TAPBPL: variants seen among roughly 807,000 people sequenced by gnomAD.
TAPBPL encodes the protein TAP binding protein like.
In TAPBPL, 32 loss-of-function variants were observed where a neutral mutation model predicts 44.8. That is an observed-to-expected ratio of 0.71 (90% CI 0.54 to 0.96). The LOEUF is 0.96. TAPBPL is among the 40% of genes least tolerant of loss of function. TAPBPL has a pLI of 0.00. For synonymous variants in TAPBPL, 230 were observed against 240.7 expected, an observed-to-expected ratio of 0.96 and a Z score of 0.41; for missense variants, 520 against 586.6, an observed-to-expected ratio of 0.89 and a Z score of 1.17.
rs200778376 is a variant in TAPBPL at position 6,462,120 on chromosome 12, C to T, written c.1378C>T (p.Arg460Cys). 31 of 1,612,724 alleles carry T rather than the reference C, an allele frequency of 1.9e-5. No homozygotes were observed. Among genetic ancestry groups the T allele is most frequent in the East Asian group, 2.2e-5 (1 of 44,834 alleles). ...DTQSSHLHED[R>C]TARVSQPS ...ACAGAGCTCCCATCTCCATGAAGAC[C>T]GCACAGCGCGTGTAAGCCAGCCCAG... Residue 460 changes from arginine (R) to cysteine (C), a missense_variant, in exon 7 of 7, where the codon CGC (arginine) becomes TGC (cysteine). Physicochemically the swap from Arg to Cys is radical, Grantham distance 180 (BLOSUM62 -3). Transcript: ENST00000266556.
chr12:6,458,884 T>C lies in TAPBPL; in HGVS notation c.1144T>C (p.Cys382Arg). ...TGGCTCTGCAGGTGCCACTTACACC[T>C]GCCAGGTCACACACATCTCTCTGGA... ...EPGSAGATYT[C>R]QVTHISLEEP... The change falls in exon 5 of 7, where the codon TGC (cysteine) becomes CGC (arginine). Residue 382 changes from cysteine to arginine, a missense_variant. Cys to Arg is a radical substitution (Grantham distance 180). Coordinates refer to ENST00000266556, the MANE Select transcript of TAPBPL (RefSeq NM_018009.5). 6.2e-7 allele frequency: 1 copy of C among 1,614,196 alleles called. No individual in the cohort carries two copies. Among genetic ancestry groups the C allele is most frequent in the Non-Finnish European group, 8.5e-7 (1 of 1,180,040 alleles).
At chr12:6,466,540 G>C (rs1950030355), downstream of TAPBPL, 1 of 529,758 alleles carries the variant, frequency 1.9e-6, no homozygotes. Context: ...AAAAAGAAAG[G>C]ACTCACATGC....
Position 6,460,911 on chromosome 12 carries a change from A to C in TAPBPL, c.1264A>C (p.Met422Leu), listed in dbSNP as rs1949840287. The change falls in exon 6 of 7, where the codon ATG becomes CTG. Residue 422 changes from methionine (M) to leucine (L), a missense_variant. Coordinates refer to ENST00000266556, the MANE Select transcript of TAPBPL (RefSeq NM_018009.5). ...FASSLFLLAL[M>L]FLGLQRRQAP... ...CAGCAGTCTCTTCCTTCTTGCACTG[A>C]TGTTCCTGGGGCTTCAGAGACGGCA... 1 of 1,613,896 alleles carries C rather than the reference A, an allele frequency of 6.2e-7. No individual in the cohort carries two copies. The highest frequency in any genetic ancestry group is 8.5e-7 in the Non-Finnish European group (1 of 1,180,000).
At chr12:6,464,394 G>A (rs568559575), downstream of TAPBPL, 265 of 1,554,770 alleles carry the variant, frequency 1.7e-4, 1 homozygote, top group South Asian at 2.9e-3. Context: ...GTGGGGAAGT[G>A]TGTTGAGAGA....
At chr12:6,459,748 ATTTAT>A (rs964292447) in intron 5 of TAPBPL, among the ~76,000 whole-genome samples, 2 of 144,422 alleles carry the variant, frequency 1.4e-5, no homozygotes, top group African/African-American at 5.6e-5. Flanking sequence ...TTATTTATTT[ATTTAT>A]TTATTTATTT....
At chr12:6,464,104 T>C (rs1201592961), downstream of TAPBPL, 1 of 1,322,744 alleles carries the variant, frequency 7.6e-7, no homozygotes, top group Non-Finnish European at 9.9e-7. Context: ...TGGGCACCGA[T>C]ACTCTTCTCC....
chr12:6,462,116 A>C lies in TAPBPL; in HGVS notation c.1374A>C (p.Glu458Asp). 1 of 1,613,190 alleles carries C rather than the reference A, an allele frequency of 6.2e-7. No individual in the cohort carries two copies. Among genetic ancestry groups the C allele is most frequent in the Non-Finnish European group, 8.5e-7 (1 of 1,179,238 alleles). The change falls in exon 7 of 7, where the codon GAA (glutamate) becomes GAC (aspartate). Residue 458 changes from glutamate to aspartate, a missense_variant. Physicochemically the swap from Glu to Asp is conservative, Grantham distance 45. Transcript: ENST00000266556. ...ACACACAGAGCTCCCATCTCCATGA[A>C]GACCGCACAGCGCGTGTAAGCCAGC... ...CADTQSSHLH[E>D]DRTARVSQPS
downstream of TAPBPL, among the ~76,000 whole-genome samples, chr12:6,471,386 A>G (rs1478751639): frequency 6.6e-6 from 1 of 151,670 alleles, no homozygotes; most frequent in Non-Finnish European, 1.5e-5. The surrounding 1 kb of genome is among the most constrained non-coding windows in gnomAD (Gnocchi z 4.0). Context: ...CCTCCCCTTC[A>G]CCTTTACCTC....
downstream of TAPBPL, chr12:6,464,969 C>G (rs1222788537): frequency 3.7e-6 from 6 of 1,612,526 alleles, no homozygotes; most frequent in African/African-American, 2.7e-5. Context: ...AAAAATGAGC[C>G]CTTGGATTTC....
chr12:6,454,516 G>A (rs533118106), intron 3 of TAPBPL, among the ~76,000 whole-genome samples: 5 of 152,066 alleles, frequency 3.3e-5, no homozygotes, highest in African/African-American at 9.7e-5. Context: ...AGAATGCTTC[G>A]CAGCCCCTAC....
At chr12:6,465,136 T>C (rs1421606133), downstream of TAPBPL, 16 of 700,724 alleles carry the variant, frequency 2.3e-5, no homozygotes, top group African/African-American at 1.8e-5. Context: ...AGTATGTCTG[T>C]AGCTTTTCAG....
intron 6 of TAPBPL, 127 bp from the exon 7 acceptor site, chr12:6,461,907 C>A: frequency 1.4e-6 from 1 of 694,092 alleles, no homozygotes; most frequent in African/African-American, 1.8e-5. Flanking sequence ...TCCCCTGGGA[C>A]AGGACAAGCA....
At position 6,458,822 on chromosome 12, in the gene TAPBPL, G is replaced by A. The variant is rs781465778; in HGVS notation, c.1082G>A (p.Gly361Asp). The part of the protein sequence containing the change: ...SFSSLRQSVA[G>D]TYSISSSLTA... ...TCCAGCCTCAGGCAAAGCGTGGCAG[G>A]CACCTACAGCATCTCCTCCTCTCTC... Residue 361 changes from glycine to aspartate, a missense_variant, in exon 5 of 7, where the codon GGC becomes GAC. Coordinates refer to ENST00000266556, the MANE Select transcript of TAPBPL (RefSeq NM_018009.5). 1.2e-6 allele frequency: 2 copies of A among 1,614,088 alleles called. No homozygotes were observed. The highest frequency in any genetic ancestry group is 2.2e-5 in the South Asian group (2 of 91,086).
intron 3 of TAPBPL, among the ~76,000 whole-genome samples, chr12:6,456,298 TTTTCCTCA>T (rs1949699572): frequency 1.3e-5 from 2 of 152,310 alleles, no homozygotes; most frequent in African/African-American, 4.8e-5. Context: ...TGTCTGATTG[TTTTCCTCA>T]TTTCCTCATG....
At chr12:6,464,946 G>A (rs753080874), downstream of TAPBPL, 2 of 1,613,556 alleles carry the variant, frequency 1.2e-6, no homozygotes, top group Non-Finnish European at 8.5e-7. Context: ...CATCATCTGA[G>A]GAAACATGGA....
downstream of TAPBPL, chr12:6,464,745 G>A (rs574629519): frequency 2.2e-5 from 33 of 1,521,842 alleles, no homozygotes; most frequent in African/African-American, 5.6e-5. Flanking sequence ...CCCTTCCCCC[G>A]TCCCGAACCA....
chr12:6,463,812 A>AAGTGTTCT, downstream of TAPBPL: 1 of 1,204,172 alleles, frequency 8.3e-7, no homozygotes, highest in Non-Finnish European at 1.1e-6. This position sits in a 1 kb window ranked among gnomAD's most constrained non-coding sequence, Gnocchi z 4.0. Context: ...CACAATCCCT[A>AAGTGTTCT]AGTGTTCTCC....
Position 6,457,510 on chromosome 12 carries a change from A to G in TAPBPL, c.670A>G (p.Ser224Gly), listed in dbSNP as rs771490726. ...CATGGCACCGGGCTTGGACCTCATC[A>G]GTGTGGAGTGGCGACTGCAGCACAA... ...FSMAPGLDLI[S>G]VEWRLQHKGR... The change falls in exon 4 of 7, where the codon AGT becomes GGT. Residue 224 changes from serine (S) to glycine (G), a missense_variant. By Grantham distance (56) the Ser-to-Gly change is moderately conservative (BLOSUM62 0). Transcript: ENST00000266556. 1 of 1,614,146 alleles carries G rather than the reference A, an allele frequency of 6.2e-7. No individual in the cohort carries two copies. Among genetic ancestry groups the G allele is most frequent in the Non-Finnish European group, 8.5e-7 (1 of 1,180,024 alleles).
chr12:6,463,404 A>C (rs1488891937), downstream of TAPBPL: 64 of 1,058,636 alleles, frequency 6.0e-5, no homozygotes, highest in Non-Finnish European at 7.0e-5. This position sits in a 1 kb window ranked among gnomAD's most constrained non-coding sequence, Gnocchi z 4.0. Flanking sequence ...CACTTGCCTC[A>C]TCCCTGTCTT....
Sources: gnomAD v4.1 joint callset for allele counts (sites outside exome capture counted in the v4.1 genomes callset) on GRCh38, gnomAD v4.1.1 for gene constraint, Gnocchi (gnomAD v3.1) non-coding constraint, MANE v1.5 for transcripts, NCBI Gene and HGNC (gene_info 2026-07-23, HGNC 2026-07-21) for gene names.